Variants in NUCB2 observed in about 807,000 individuals in gnomAD.
NUCB2 encodes nucleobindin-2.
Under a neutral mutation model 57.9 loss-of-function variants are expected in NUCB2, and 48 were observed. The observed-to-expected ratio is 0.83, with a 90% CI of 0.66 to 1.05. The LOEUF (loss-of-function observed/expected upper bound fraction) is 1.05. NUCB2 is among the 50% of genes least tolerant of loss of function. The probability of loss-of-function intolerance (pLI) is 0.00; values close to 1 mark genes in which losing one functional copy is unlikely to be tolerated. For missense variants in NUCB2, 442 were observed against 476.2 expected (o/e 0.93, Z 0.67); for synonymous variants, 139 against 152.1 (o/e 0.91, Z 0.64).
intron 2 of NUCB2, among the ~76,000 whole-genome samples, chr11:17,345,483 T>C (rs1482313753): frequency 6.6e-6 from 1 of 152,044 alleles, no homozygotes; most frequent in African/African-American, 2.4e-5. Flanking sequence ...CCAAGGCGGG[T>C]GGATCACGAG....
chr11:17,325,488 C>G (rs941510055), intron 11 of NUCB2, among the ~76,000 whole-genome samples: 3 of 152,182 alleles, frequency 2.0e-5, no homozygotes. Flanking sequence ...GTAAGTACTG[C>G]TCCTGCTACT....
chr11:17,301,169 C>T (rs1267608465), intron 4 of NUCB2, among the ~76,000 whole-genome samples: 1 of 151,464 alleles, frequency 6.6e-6, no homozygotes, highest in Non-Finnish European at 1.5e-5. Context: ...GATGGGGTTT[C>T]ACCATGTTGG....
At chr11:17,281,216 A>C (rs1591161692) in intron 1 of NUCB2, among the ~76,000 whole-genome samples, 1 of 151,950 alleles carries the variant, frequency 6.6e-6, no homozygotes, top group East Asian at 1.9e-4. Context: ...TCCTGGGCTC[A>C]AGCAACCCTC....
chr11:17,290,228 A>G (rs538009897), intron 2 of NUCB2, among the ~76,000 whole-genome samples: 4 of 152,374 alleles, frequency 2.6e-5, no homozygotes, highest in African/African-American at 9.6e-5. Context: ...TGCTTACAAA[A>G]TAACTTTTCA....
At chr11:17,317,626 T>G (rs1358505997) in intron 11 of NUCB2, 1 of 400,616 alleles carries the variant, frequency 2.5e-6, no homozygotes, top group Non-Finnish European at 5.1e-6. Context: ...ACTATTATGT[T>G]GTACAATGTC....
chr11:17,305,835 C>G (rs1163127485), intron 5 of NUCB2, among the ~76,000 whole-genome samples: 1 of 151,838 alleles, frequency 6.6e-6, no homozygotes, highest in Non-Finnish European at 1.5e-5. Flanking sequence ...GTTCCCCAGG[C>G]TGGTTTGAGG....
intron 5 of NUCB2, among the ~76,000 whole-genome samples, chr11:17,302,476 T>C (rs1396638696): frequency 6.6e-6 from 1 of 152,076 alleles, no homozygotes; most frequent in Admixed American, 6.6e-5. Context: ...GAATATCTAA[T>C]CAGAAGAATT....
intron 2 of NUCB2, among the ~76,000 whole-genome samples, chr11:17,286,467 A>G (rs1435956792): frequency 6.6e-6 from 1 of 152,240 alleles, no homozygotes; most frequent in East Asian, 1.9e-4. Context: ...TTGTAATTTT[A>G]CCAGAGGCTC....
chr11:17,288,961 A>ATT lies in NUCB2; in HGVS notation c.-1+6019_-1+6020insTT, dbSNP rs1290958369. Among the ~76,000 whole-genome samples the ATT allele has an allele frequency of 2.9e-3, 164 of 56,400 alleles. 27 individuals are homozygous for ATT. The highest frequency in any genetic ancestry group is 0.013 in the Middle Eastern group (1 of 76). 37.0% of individuals were successfully genotyped at this position (56,400 alleles called of 152,430 possible). ...CACACACACACACACATATATATAT[A>ATT]TATTTTTTTTTTTTGAGATGGAGTT... On this transcript the variant is annotated intron_variant, in intron 2 of 13. Coordinates refer to ENST00000529010, the MANE Select transcript of NUCB2 (RefSeq NM_005013.4).
chr11:17,336,551 G>A (rs1224585122), downstream of NUCB2, among the ~76,000 whole-genome samples: 1 of 151,264 alleles, frequency 6.6e-6, no homozygotes, highest in African/African-American at 2.4e-5. Flanking sequence ...TCAGGAGATC[G>A]AGACCATCCT....
At chr11:17,317,661 TCA>T in intron 11 of NUCB2, 1 of 313,608 alleles carries the variant, frequency 3.2e-6, no homozygotes, top group Non-Finnish European at 6.7e-6. Context: ...GAAGAGATGC[TCA>T]GTGTATCCTA....
downstream of NUCB2, chr11:17,333,062 A>G (rs1270334452): frequency 6.6e-6 from 1 of 152,180 alleles, no homozygotes; most frequent in Non-Finnish European, 1.5e-5. Flanking sequence ...TATAGTGGCC[A>G]CTGATCCATA....
Position 17,288,954 on chromosome 11 carries a change from TA to T in NUCB2, c.-1+6012del, listed in dbSNP as rs1565377486. On this transcript the variant is annotated intron_variant, in intron 2 of 13. Coordinates refer to ENST00000529010, the MANE Select transcript of NUCB2 (RefSeq NM_005013.4). ...ACACACACACACACACACACACATA[TA>T]TATATATATTTTTTTTTTTTGAGAT... Among the ~76,000 whole-genome samples, 29 of 52,432 alleles carry T rather than the reference TA, an allele frequency of 5.5e-4. 2 individuals carry two copies. The highest frequency in any genetic ancestry group is 3.6e-3 in the Admixed American group (16 of 4,462). The allele number at this position is 52,432 out of a possible 152,430, so 34.4% of individuals were successfully genotyped here.
chr11:17,309,506 G>T, intron 5 of NUCB2, 66 bp from the exon 6 acceptor site: 1 of 895,126 alleles, frequency 1.1e-6, no homozygotes, highest in Non-Finnish European at 1.7e-6. Context: ...TCTTTTTCTT[G>T]TGTATAATTA....
intron 5 of NUCB2, among the ~76,000 whole-genome samples, chr11:17,306,112 C>T (rs1432126873): frequency 6.6e-6 from 1 of 152,132 alleles, no homozygotes; most frequent in African/African-American, 2.4e-5. Flanking sequence ...TTGGAATGAA[C>T]TTTCTAATTA....
rs762325693 is a variant in NUCB2 at position 17,330,268 on chromosome 11, C to G, written c.1144C>G (p.Leu382Val). 1.2e-6 allele frequency: 2 copies of G among 1,606,656 alleles called. No homozygotes were observed. Among genetic ancestry groups the G allele is most frequent in the East Asian group, 4.5e-5 (2 of 44,812 alleles). ...KEELQRQHDQ[L>V]EAQKLEYHQV... The stretch of plus-strand genomic sequence containing the variant: ...AGAGCTACAACGTCAGCATGATCAA[C>G]TGGAGGCTCAGAAGCTGGAATATCA... The change falls in exon 12 of 14, where the codon CTG becomes GTG. Residue 382 changes from leucine to valine, a missense_variant. Transcript: ENST00000529010. The surrounding 1 kb of genome is among the most constrained non-coding windows in gnomAD (Gnocchi z 4.3).
chr11:17,316,367 C>A (rs751867242), intron 11 of NUCB2, among the ~76,000 whole-genome samples: 5 of 152,168 alleles, frequency 3.3e-5, no homozygotes, highest in Non-Finnish European at 5.9e-5. Context: ...ATTTCACAAA[C>A]ATCTTTTAAT....
chr11:17,326,592 T>C (rs1335798803), intron 11 of NUCB2, among the ~76,000 whole-genome samples: 1 of 152,222 alleles, frequency 6.6e-6, no homozygotes, highest in Non-Finnish European at 1.5e-5. Flanking sequence ...GTGCTGGGAT[T>C]ACAGGCATGA....
At chr11:17,335,166 ATATCTC>A (rs758332095), downstream of NUCB2, among the ~76,000 whole-genome samples, 211 of 152,252 alleles carry the variant, frequency 1.4e-3, no homozygotes, top group African/African-American at 4.9e-3. Flanking sequence ...AAGCAATAGA[ATATCTC>A]TATTGCTTAA....
Sources: allele counts gnomAD v4.1 joint callset (sites outside exome capture counted in the v4.1 genomes callset), GRCh38; gene constraint gnomAD v4.1.1; non-coding constraint Gnocchi (gnomAD v3.1); transcripts MANE v1.5; gene names NCBI Gene and HGNC (gene_info 2026-07-23, HGNC 2026-07-21).